SNX8: variants seen among roughly 807,000 people sequenced by gnomAD.
SNX8 encodes sorting nexin-8.
Under a neutral mutation model 51.6 loss-of-function variants are expected in SNX8, and 25 were observed. The observed-to-expected ratio is 0.48, with a 90% confidence interval of 0.35 to 0.68. SNX8 has a LOEUF of 0.68. Ranked by LOEUF, SNX8 falls within the 30% of genes least tolerant of loss-of-function variation. The pLI is 0.00. For missense variants in SNX8, 695 were observed against 624.0 expected (o/e 1.11, Z -1.21); for synonymous variants, 324 against 277.0 (o/e 1.17, Z -1.68).
chr7:2,272,236 C>A (rs1280670158), intron 3 of SNX8, among the ~76,000 whole-genome samples: 1 of 152,218 alleles, frequency 6.6e-6, no homozygotes, highest in Non-Finnish European at 1.5e-5. Flanking sequence ...TTGTTTCCAT[C>A]GGGAGTCCTG....
At chr7:2,312,874 T>C (rs755498389) in intron 1 of SNX8, among the ~76,000 whole-genome samples, 13 of 152,074 alleles carry the variant, frequency 8.5e-5, no homozygotes, top group African/African-American at 3.1e-4. Context: ...GTATTCCTTC[T>C]AATGTTTAGC....
chr7:2,256,991 C>T lies in SNX8; in HGVS notation c.1167G>A (p.Arg389=), dbSNP rs1319159965. Residue 389 remains arginine (R), a synonymous_variant, in exon 10 of 11, where the codon CGG becomes CGA. Coordinates refer to ENST00000222990, the MANE Select transcript of SNX8 (RefSeq NM_013321.4). The part of the protein sequence containing the change: ...QENAIQTMEL[R]NYFSLYCLHQ... ...GCAGGCAGTACAGGGAGAAGTAGTT[C>T]CGCAGCTCCATCGTCTGAATCGCGT... 1.9e-6 allele frequency: 3 copies of T among 1,611,980 alleles called. No homozygotes were observed.
chr7:2,344,143 G>A (rs1370814009), intron 1 of SNX8, among the ~76,000 whole-genome samples: 2 of 151,820 alleles, frequency 1.3e-5, no homozygotes, highest in South Asian at 2.1e-4. Context: ...GTTCAAGGCT[G>A]CAGTGAGCCA....
chr7:2,279,239 CGCCGGACTCACTCACACTACGGAGTCGAA>C (rs1795854694), intron 1 of SNX8, among the ~76,000 whole-genome samples: 244 of 115,030 alleles, frequency 2.1e-3, no homozygotes, highest in Middle Eastern at 0.014. Flanking sequence ...ACGGAGTCGA[CGCCGGACTCACTCACACTACGGAGTCGAA>C]GCCGGACTCA....
At chr7:2,294,555 GC>G (rs1343345189) in intron 1 of SNX8, among the ~76,000 whole-genome samples, 1 of 152,180 alleles carries the variant, frequency 6.6e-6, no homozygotes, top group East Asian at 1.9e-4. Context: ...AGGTCACAGA[GC>G]CAGCAAGGTG....
chr7:2,264,790 C>T (rs1319241939), intron 5 of SNX8, among the ~76,000 whole-genome samples: 2 of 152,198 alleles, frequency 1.3e-5, no homozygotes, highest in African/African-American at 2.4e-5. Flanking sequence ...AATCCCAGCA[C>T]TTTGGAGGCT....
In SNX8 at chr7:2,314,397, G is replaced by A. The variant is rs1796719899; in HGVS notation, c.25C>T (p.Leu9=). Residue 9 remains leucine (L), a synonymous_variant, in exon 1 of 11, where the codon CTG becomes TTG. Coordinates refer to ENST00000222990, the MANE Select transcript of SNX8 (RefSeq NM_013321.4). ...GCCGCCCCGACTGCAGCCGCGGGCA[G>A]CGGGTCCATCGCGCGGCCAGTCATG... MTGRAMDP[L]PAAAVGAAAE... is the part of the protein sequence containing the mutation. The A allele has an allele frequency of 2.7e-5, 33 of 1,220,106 alleles. No individual in the cohort carries two copies. The highest frequency in any genetic ancestry group is 3.4e-5 in the Non-Finnish European group (33 of 980,182). The allele number at this position is 1,220,106 out of a possible 1,614,324, so 75.6% of individuals were successfully genotyped here.
At chr7:2,264,189 G>C (rs1795405814) in intron 6 of SNX8, 109 bp downstream of exon 6, 2 of 1,085,108 alleles carry the variant, frequency 1.8e-6, no homozygotes, top group Non-Finnish European at 1.3e-6. Flanking sequence ...AGATGAAACA[G>C]GTCAGGATGC....
At chr7:2,262,186 C>G (rs567362097) in intron 7 of SNX8, among the ~76,000 whole-genome samples, 43 of 152,232 alleles carry the variant, frequency 2.8e-4, no homozygotes, top group African/African-American at 1.0e-3. Flanking sequence ...TACAGACACG[C>G]ACCACCACCC....
chr7:2,278,617 G>A (rs1229587997), intron 1 of SNX8, among the ~76,000 whole-genome samples: 8 of 131,172 alleles, frequency 6.1e-5, no homozygotes, highest in South Asian at 2.5e-4. Flanking sequence ...AGTCGACGCC[G>A]GACTCACTCA....
rs1036495076 is a variant in SNX8, at chr7:2,278,023, C to A, written c.300+77G>T. 5.8e-6 allele frequency: 9 copies of A among 1,542,860 alleles called. No homozygotes were observed. The African/African-American group carries it at 8.1e-5, about 14-fold the overall frequency. Reference sequence around the variant, plus strand: ...ACCCTTCAGCCTTCTCCTGTCACACCACTCCTGCCCTGAGATGTTGAGACG... The same window carrying A: ...ACCCTTCAGCCTTCTCCTGTCACACAACTCCTGCCCTGAGATGTTGAGACG... On this transcript the variant is annotated intron_variant, in intron 2 of 10. Coordinates refer to ENST00000222990, the MANE Select transcript of SNX8 (RefSeq NM_013321.4).
In SNX8 at chr7:2,269,462, A is replaced by G. The variant is rs916861007; in HGVS notation, c.621+97T>C. ...CTGACCTTCCCTCCACTATTGTCCC[A>G]TGACCCTGCCAAATCCCCCTCTGCG... On this transcript the variant is annotated intron_variant, in intron 5 of 10. Coordinates refer to ENST00000222990, the MANE Select transcript of SNX8 (RefSeq NM_013321.4). 8.7e-5 allele frequency: 55 copies of G among 635,566 alleles called. 1 individual carries two copies. The South Asian group carries it at 1.1e-3, about 12-fold the overall frequency. 39.4% of individuals were successfully genotyped at this position (635,566 alleles called of 1,614,324 possible).
At chr7:2,354,308 T>A (rs1779260196) in exon 1 of SNX8, 1 of 152,236 alleles carries the variant, frequency 6.6e-6, no homozygotes, top group African/African-American at 2.4e-5. Context: ...TTTGAAGTAG[T>A]CTGTCCTTTT....
intron 1 of SNX8, among the ~76,000 whole-genome samples, chr7:2,350,652 ATT>A (rs55673011): frequency 6.8e-6 from 1 of 147,198 alleles, no homozygotes; most frequent in Admixed American, 6.8e-5. Flanking sequence ...TCTAAAAACA[ATT>A]TTTTTTTTTT....
intron 1 of SNX8, among the ~76,000 whole-genome samples, chr7:2,291,180 G>C (rs751442142): frequency 6.6e-6 from 1 of 152,078 alleles, no homozygotes; most frequent in Non-Finnish European, 1.5e-5. Context: ...TGAATCTGTA[G>C]TTCCAGCTGC....
At chr7:2,260,938 G>A (rs1227490443) in intron 7 of SNX8, among the ~76,000 whole-genome samples, 2 of 152,310 alleles carry the variant, frequency 1.3e-5, no homozygotes, top group Admixed American at 6.5e-5. Context: ...ATCCAGGGCT[G>A]AATCAGAAAA....
At chr7:2,344,062 G>A (rs934999375) in intron 1 of SNX8, among the ~76,000 whole-genome samples, 1 of 151,114 alleles carries the variant, frequency 6.6e-6, no homozygotes, top group Admixed American at 6.6e-5. Context: ...AAATTAGCCA[G>A]GTGTGGTGCC....
intron 1 of SNX8, among the ~76,000 whole-genome samples, chr7:2,333,439 G>A (rs190771226): frequency 4.0e-4 from 61 of 151,070 alleles, no homozygotes; most frequent in African/African-American, 1.3e-3. Context: ...GTGCGCGCCT[G>A]TAGTCCCAGC....
At chr7:2,320,565 CA>C (rs1242096231) in intron 1 of SNX8, among the ~76,000 whole-genome samples, 1 of 151,862 alleles carries the variant, frequency 6.6e-6, no homozygotes, top group Non-Finnish European at 1.5e-5. Flanking sequence ...ACAAAAAATA[CA>C]AACAAAAAAA....
Sources: gnomAD v4.1 joint callset for allele counts (sites outside exome capture counted in the v4.1 genomes callset) on GRCh38, gnomAD v4.1.1 for gene constraint, MANE v1.5 for transcripts, NCBI Gene and HGNC (gene_info 2026-07-23, HGNC 2026-07-21) for gene names.